Variants in E2F6 observed in about 807,000 individuals in gnomAD.
The protein encoded by E2F6 is E2F transcription factor 6, also known as transcription factor E2F6.
A neutral mutation model predicts 31.5 loss-of-function variants in E2F6; 19 were observed. The observed-to-expected ratio is 0.60, with a 90% CI of 0.42 to 0.89. The LOEUF (loss-of-function observed/expected upper bound fraction) is 0.89, where lower values mean the gene tolerates loss of function less well. E2F6 is among the 40% of genes least tolerant of loss of function. The pLI, the probability that E2F6 is intolerant of heterozygous loss-of-function variation, is 0.00. For missense variants in E2F6, 269 were observed against 341.6 expected (o/e 0.79, Z 1.67); for synonymous variants, 121 against 127.7 (o/e 0.95, Z 0.36).
intron 4 of E2F6, 61 bp downstream of exon 4, chr2:11,451,590 A>C: frequency 6.8e-7 from 1 of 1,479,806 alleles, no homozygotes; most frequent in Non-Finnish European, 9.1e-7. Context: ...AGCTGACTCT[A>C]CTACTTAAGT....
At chr2:11,451,034 C>T (rs190475796) in intron 4 of E2F6, among the ~76,000 whole-genome samples, 128 of 152,070 alleles carry the variant, frequency 8.4e-4, no homozygotes, top group South Asian at 5.4e-3. Context: ...TAAGCAACAA[C>T]GCGCTTCTGT....
intron 1 of E2F6, chr2:11,458,384 G>C (rs1379322692): frequency 1.9e-6 from 3 of 1,549,614 alleles, no homozygotes; most frequent in Non-Finnish European, 2.6e-6. Flanking sequence ...ACAGGATTGT[G>C]GTACCGGAAA....
At chr2:11,458,152 T>C in intron 1 of E2F6, 1 of 856,128 alleles carries the variant, frequency 1.2e-6, no homozygotes, top group Non-Finnish European at 1.9e-6. Context: ...CCAGACAGGC[T>C]GTCATCAGGT....
rs1670656629 is a variant in E2F6 at position 11,445,363 on chromosome 2, G to A, written c.*1114C>T. On this transcript the variant is annotated 3_prime_UTR_variant, in exon 7 of 7. Transcript: ENST00000381525. ...TGGTGTGAGGCACTGGGATGTAACA[G>A]TGATTATGACAAAGTCCCTCAAGGA... 6.6e-6 allele frequency: 1 copy of A among 152,604 alleles called. No individual in the cohort carries two copies. The highest frequency in any genetic ancestry group is 2.4e-5 in the African/African-American group (1 of 41,432). The allele number at this position is 152,604 out of a possible 1,614,324, so 9.5% of individuals were successfully genotyped here.
chr2:11,448,087 C>T (rs1670836281), intron 5 of E2F6, among the ~76,000 whole-genome samples: 1 of 152,156 alleles, frequency 6.6e-6, no homozygotes, highest in South Asian at 2.1e-4. Flanking sequence ...CCTAGAGTCT[C>T]ACAGGATAAA....
At chr2:11,446,589 A>T (rs1312502211) in intron 6 of E2F6, 66 bp from the exon 7 acceptor site, 1 of 1,340,136 alleles carries the variant, frequency 7.5e-7, no homozygotes, top group Non-Finnish European at 1.1e-6. Flanking sequence ...CTGATAGGCA[A>T]ATACGTAAAA....
chr2:11,454,320 T>C (rs1164274954), intron 2 of E2F6, among the ~76,000 whole-genome samples: 1 of 152,028 alleles, frequency 6.6e-6, no homozygotes, highest in East Asian at 1.9e-4. Context: ...AAGACAATTA[T>C]GACATACCTC....
rs757875915 is a variant in E2F6 at position 11,447,651 on chromosome 2, T to C, written c.775A>G (p.Thr259Ala). The change falls in exon 6 of 7, where the codon ACT (threonine) becomes GCT (alanine). Residue 259 changes from threonine (T) to alanine (A), a missense_variant. Thr to Ala is a moderately conservative substitution (Grantham distance 58, BLOSUM62 0). Coordinates refer to ENST00000381525, the MANE Select transcript of E2F6 (RefSeq NM_198256.4). ...EGVGTSSSES[T>A]HPEGPEEEEN... The stretch of plus-strand genomic sequence containing the variant: ...CCTTCCTCAGGGCCTTCTGGATGAG[T>C]GCTCTCAGATGAAGAGGTCCCGACA... 9.9e-6 allele frequency: 16 copies of C among 1,611,970 alleles called. No individual in the cohort carries two copies. Among genetic ancestry groups the C allele is most frequent in the African/African-American group, 1.3e-5 (1 of 74,950 alleles).
At chr2:11,453,511 C>G in intron 3 of E2F6, 71 bp downstream of exon 3, 4 of 1,363,070 alleles carry the variant, frequency 2.9e-6, no homozygotes, top group Non-Finnish European at 4.2e-6. Context: ...CTGCCACTAT[C>G]TAGTTTAAGC....
intron 1 of E2F6, among the ~76,000 whole-genome samples, chr2:11,465,125 C>G (rs536802901): frequency 1.7e-4 from 23 of 133,516 alleles, no homozygotes; most frequent in Non-Finnish European, 2.9e-4. Context: ...TTGCAGTGAG[C>G]TGAGATTGCG....
intron 1 of E2F6, 95 bp from the exon 2 acceptor site, chr2:11,457,328 G>A: frequency 1.2e-6 from 1 of 803,036 alleles, no homozygotes; most frequent in Non-Finnish European, 2.0e-6. Flanking sequence ...CTGGGAATAT[G>A]AATATGATAA....
At chr2:11,459,789 C>A (rs1275001392) in intron 1 of E2F6, among the ~76,000 whole-genome samples, 1 of 151,930 alleles carries the variant, frequency 6.6e-6, no homozygotes, top group African/African-American at 2.4e-5. Flanking sequence ...GAGGCTGAGG[C>A]AGGAGAATCG....
Position 11,453,934 on chromosome 2 carries a change from T to TTTCTA in E2F6, c.164-141_164-137dup. Reference sequence around the variant, plus strand: ...TACACATTGACCAAATCAAAGCTGGTTTCTATGAAATAAATCTCTTAAATT... The same window carrying TTTCTA: ...TACACATTGACCAAATCAAAGCTGGTTTCTATTCTATGAAATAAATCTCTTAAATT... On this transcript the variant is annotated intron_variant, in intron 2 of 6. Coordinates refer to ENST00000381525, the MANE Select transcript of E2F6 (RefSeq NM_198256.4). 5.3e-6 allele frequency: 4 copies of TTTCTA among 755,090 alleles called. No homozygotes were observed. The East Asian group carries it at 1.1e-4, about 20-fold the overall frequency. 46.8% of individuals were successfully genotyped at this position (755,090 alleles called of 1,614,324 possible). A position where few individuals can be genotyped will look rare whatever the true frequency, so the allele number is the denominator to read the frequency against.
Position 11,457,245 on chromosome 2 carries a change from G to C in E2F6, c.109-12C>G. 6.7e-7 allele frequency: 1 copy of C among 1,492,118 alleles called. No individual in the cohort carries two copies. Among genetic ancestry groups the C allele is most frequent in the Admixed American group, 1.7e-5 (1 of 58,594 alleles). The allele number at this position is 1,492,118 out of a possible 1,614,324, so 92.4% of individuals were successfully genotyped here. A position where few individuals can be genotyped will look rare whatever the true frequency, so the allele number is the denominator to read the frequency against. On this transcript the variant is annotated splice_polypyrimidine_tract_variant and intron_variant, in intron 1 of 6. Transcript: ENST00000381525. ...CTTATTTTTGATGGCTGAAAAAAAA[G>C]ATAAAAAATTTAACTTAGTGATTTT... is the stretch of plus-strand genomic sequence containing the variant.
Position 11,466,011 on chromosome 2 carries a change from G to C in E2F6, c.-132C>G, listed in dbSNP as rs1354850334. On this transcript the variant is annotated 5_prime_UTR_variant, in exon 1 of 7. Coordinates refer to ENST00000381525, the MANE Select transcript of E2F6 (RefSeq NM_198256.4). The stretch of plus-strand genomic sequence containing the variant: ...ACCTAAGGGGTCCGCGGCTTCCTCC[G>C]AGGCGCCGCCCGGCTAGGCCGTCCC... 1.3e-6 allele frequency: 1 copy of C among 791,296 alleles called. No individual in the cohort carries two copies. Among genetic ancestry groups the C allele is most frequent in the African/African-American group, 1.9e-5 (1 of 54,050 alleles). The allele number at this position is 791,296 out of a possible 1,614,324, so 49.0% of individuals were successfully genotyped here. A position where few individuals can be genotyped will look rare whatever the true frequency, so the allele number is the denominator to read the frequency against.
At chr2:11,451,856 A>C (rs1275502505) in intron 3 of E2F6, 50 bp from the exon 4 acceptor site, 3 of 1,531,802 alleles carry the variant, frequency 2.0e-6, no homozygotes, top group Non-Finnish European at 1.8e-6. Flanking sequence ...GAGATAACAA[A>C]GTAATTTCAA....
intron 1 of E2F6, among the ~76,000 whole-genome samples, chr2:11,460,244 G>C (rs1471630502): frequency 6.6e-6 from 1 of 152,190 alleles, no homozygotes; most frequent in African/African-American, 2.4e-5. Flanking sequence ...CACCAATTCT[G>C]TTTTGGGGAG....
At chr2:11,459,316 A>G (rs1671616433) in intron 1 of E2F6, among the ~76,000 whole-genome samples, 1 of 152,028 alleles carries the variant, frequency 6.6e-6, no homozygotes, top group Non-Finnish European at 1.5e-5. Context: ...ACACCTCCCT[A>G]CCCATCTCAT....
At chr2:11,450,696 T>C (rs1315588095) in intron 4 of E2F6, among the ~76,000 whole-genome samples, 1 of 152,232 alleles carries the variant, frequency 6.6e-6, no homozygotes, top group Non-Finnish European at 1.5e-5. Context: ...TGTCTCACTG[T>C]GTTGCCTCAA....
Sources: allele counts gnomAD v4.1 joint callset (sites outside exome capture counted in the v4.1 genomes callset), GRCh38; gene constraint gnomAD v4.1.1; transcripts MANE v1.5; gene names NCBI Gene and HGNC (gene_info 2026-07-23, HGNC 2026-07-21).